Variants in ATP6V0D1 observed in about 807,000 individuals in gnomAD.
ATP6V0D1 encodes the protein V-type proton ATPase subunit d 1.
In ATP6V0D1, 13 loss-of-function variants were observed where a neutral mutation model predicts 39.0. That is an observed-to-expected ratio of 0.33 (90% CI 0.22 to 0.53). The LOEUF (loss-of-function observed/expected upper bound fraction) is 0.53, where lower values mean the gene tolerates loss of function less well. Ranked by LOEUF, ATP6V0D1 falls within the 20% of genes least tolerant of loss-of-function variation. The pLI is 0.94. For missense variants in ATP6V0D1, 272 were observed against 470.9 expected, an observed-to-expected ratio of 0.58 and a Z score of 3.91; for synonymous variants, 191 against 191.2, an observed-to-expected ratio of 1.00 and a Z score of 0.01.
intron 1 of ATP6V0D1, among the ~76,000 whole-genome samples, chr16:67,478,597 G>A (rs2041436035): frequency 6.7e-6 from 1 of 149,362 alleles, no homozygotes; most frequent in South Asian, 2.1e-4. Context: ...CTGGGTGACA[G>A]GGCTAGACTC....
At position 67,444,691 on chromosome 16, in the gene ATP6V0D1, G is replaced by A. The variant is rs747420026; in HGVS notation, c.318C>T (p.Ile106=). Residue 106 remains isoleucine, a synonymous_variant, in exon 3 of 8, where the codon ATC becomes ATT. Transcript: ENST00000290949. The surrounding 1 kb of genome is among the most constrained non-coding windows in gnomAD (Gnocchi z 4.8). ...FLDFITYSYM[I]DNVILLITGT... Reference sequence around the variant, plus strand: ...CTGTGATGAGCAGGATCACGTTGTCGATCATGTAACTGTAACTACAGGGGG... The same window carrying A: ...CTGTGATGAGCAGGATCACGTTGTCAATCATGTAACTGTAACTACAGGGGG... 5.0e-6 allele frequency: 8 copies of A among 1,599,650 alleles called. No homozygotes were observed. The highest frequency in any genetic ancestry group is 2.7e-5 in the African/African-American group (2 of 74,748).
chr16:67,446,140 T>C (rs2041112280), intron 2 of ATP6V0D1, among the ~76,000 whole-genome samples: 1 of 151,984 alleles, frequency 6.6e-6, no homozygotes, highest in Non-Finnish European at 1.5e-5. Context: ...TCCCCCATAC[T>C]GAAGAAAGAA....
chr16:67,453,504 T>C lies in ATP6V0D1; in HGVS notation c.302+40A>G. 1 of 1,607,436 alleles carries C rather than the reference T, an allele frequency of 6.2e-7. No homozygotes were observed. Among genetic ancestry groups the C allele is most frequent in the Non-Finnish European group, 8.5e-7 (1 of 1,175,450 alleles). On this transcript the variant is annotated intron_variant, in intron 2 of 7. Transcript: ENST00000290949. This position sits in a 1 kb window ranked among gnomAD's most constrained non-coding sequence, Gnocchi z 4.1. ...CCAGCTCCTGCAGGTGTAGCTATCC[T>C]GCCCAGGTAAGAGAAGAAGGCGCTA...
At chr16:67,454,331 C>T (rs763167119) in intron 1 of ATP6V0D1, among the ~76,000 whole-genome samples, 1 of 152,058 alleles carries the variant, frequency 6.6e-6, no homozygotes, top group East Asian at 1.9e-4. Context: ...GAGTGGCATG[C>T]GGGGGAGGTG....
chr16:67,439,377 G>A (rs2041019978), intron 4 of ATP6V0D1, 26 bp from the exon 5 acceptor site: 3 of 1,609,564 alleles, frequency 1.9e-6, no homozygotes, highest in Non-Finnish European at 2.5e-6. Flanking sequence ...AGCTTGCTCA[G>A]CACAGGCAAG....
intron 1 of ATP6V0D1, among the ~76,000 whole-genome samples, chr16:67,471,597 TCTC>T (rs773243701): frequency 6.6e-6 from 1 of 152,044 alleles, no homozygotes; most frequent in South Asian, 2.1e-4. Context: ...GAATAGAACT[TCTC>T]CTATCTAGCT....
Position 67,439,734 on chromosome 16 carries a change from A to AGGT in ATP6V0D1, c.562-386_562-384dup, listed in dbSNP as rs72650144. ...TCCCCTTCCTCAGCCTCTGAAAACC[A>AGGT]GGTGTGGCTGGACGCAGTGGCTCAC... On this transcript the variant is annotated intron_variant, in intron 4 of 7. Coordinates refer to ENST00000290949, the MANE Select transcript of ATP6V0D1 (RefSeq NM_004691.5). The AGGT allele has an allele frequency of 1.7e-3, 473 of 273,408 alleles. 4 individuals carry two copies. Among genetic ancestry groups the AGGT allele is most frequent in the African/African-American group, 9.6e-3 (447 of 46,326 alleles). 16.9% of individuals were successfully genotyped at this position (273,408 alleles called of 1,614,324 possible).
chr16:67,441,251 T>G, intron 4 of ATP6V0D1: 1 of 152,212 alleles, frequency 6.6e-6, no homozygotes, highest in Non-Finnish European at 1.5e-5. Flanking sequence ...CCCTGGAGTC[T>G]GCCAATCCAC....
intron 3 of ATP6V0D1, 131 bp from the exon 4 acceptor site, chr16:67,443,309 C>T (rs1159678762): frequency 6.2e-6 from 5 of 809,856 alleles, no homozygotes; most frequent in Middle Eastern, 3.7e-4. Flanking sequence ...GGTCCCCAGC[C>T]TAGGCTGTTG....
intron 4 of ATP6V0D1, chr16:67,441,049 C>T (rs150716264): frequency 6.6e-6 from 1 of 152,440 alleles, no homozygotes; most frequent in East Asian, 1.9e-4. Flanking sequence ...GGGGAACCAA[C>T]CAACCAGGTA....
chr16:67,438,428 C>T lies in ATP6V0D1; in HGVS notation c.*100G>A. 1 of 1,434,788 alleles carries T rather than the reference C, an allele frequency of 7.0e-7. No homozygotes were observed. Among genetic ancestry groups the T allele is most frequent in the Non-Finnish European group, 9.5e-7 (1 of 1,057,566 alleles). The allele number at this position is 1,434,788 out of a possible 1,614,324, so 88.9% of individuals were successfully genotyped here. A position where few individuals can be genotyped will look rare whatever the true frequency, so the allele number is the denominator to read the frequency against. On this transcript the variant is annotated 3_prime_UTR_variant, in exon 8 of 8. Transcript: ENST00000290949. ...CTACACCCCGGACAGGCAGGTGAGCCACAGGCTTGTCACAGACCACATACA... is the reference window on the plus strand; with the variant it reads ...CTACACCCCGGACAGGCAGGTGAGCTACAGGCTTGTCACAGACCACATACA...
At chr16:67,470,963 TCTC>T (rs2142331440) in intron 1 of ATP6V0D1, among the ~76,000 whole-genome samples, 1 of 152,208 alleles carries the variant, frequency 6.6e-6, no homozygotes, top group Admixed American at 6.5e-5. Context: ...TAGTCCATAT[TCTC>T]CTACCTAGAG....
intron 3 of ATP6V0D1, chr16:67,443,515 G>A (rs1355209983): frequency 2.7e-5 from 7 of 257,740 alleles, no homozygotes; most frequent in Non-Finnish European, 5.3e-5. Flanking sequence ...CCTTCTGGAG[G>A]GGCAGCTGTG....
At chr16:67,480,199 A>G (rs1257247683) in intron 1 of ATP6V0D1, among the ~76,000 whole-genome samples, 1 of 128,050 alleles carries the variant, frequency 7.8e-6, no homozygotes, top group East Asian at 2.2e-4. Flanking sequence ...ACTCCGTCTC[A>G]AAAAAAAAAA....
At chr16:67,466,239 G>A (rs1162778206) in intron 1 of ATP6V0D1, among the ~76,000 whole-genome samples, 3 of 151,880 alleles carry the variant, frequency 2.0e-5, no homozygotes, top group Non-Finnish European at 4.4e-5. Context: ...CCAGCACTTT[G>A]GGAGGCCAAG....
rs963443466 is a variant in ATP6V0D1 at position 67,438,451 on chromosome 16, ACACACACACG to A, written c.*67_*76del. On this transcript the variant is annotated 3_prime_UTR_variant, in exon 8 of 8. Transcript: ENST00000290949. Reference sequence around the variant, plus strand: ...GCCACAGGCTTGTCACAGACCACATACACACACACGCACACACACGCGCACACACACACAC... The same window carrying A: ...GCCACAGGCTTGTCACAGACCACATACACACACACGCGCACACACACACAC... 3.4e-4 allele frequency: 507 copies of A among 1,508,672 alleles called. No homozygotes were observed. Among genetic ancestry groups the A allele is most frequent in the Middle Eastern group, 2.2e-3 (12 of 5,498 alleles). 93.5% of individuals were successfully genotyped at this position (1,508,672 alleles called of 1,614,324 possible).
At chr16:67,457,645 T>C in intron 1 of ATP6V0D1, 2 of 1,289,336 alleles carry the variant, frequency 1.6e-6, no homozygotes, top group Non-Finnish European at 2.0e-6. Context: ...TGTGGCACCA[T>C]CCATTCCTAG....
intron 1 of ATP6V0D1, among the ~76,000 whole-genome samples, chr16:67,470,820 T>C (rs1052611248): frequency 6.6e-6 from 1 of 152,098 alleles, no homozygotes. Flanking sequence ...CAGTCATTTA[T>C]TAAGCCAGCA....
intron 3 of ATP6V0D1, 122 bp from the exon 4 acceptor site, chr16:67,443,300 G>T: frequency 2.1e-6 from 2 of 942,354 alleles, no homozygotes; most frequent in South Asian, 3.0e-5. Context: ...GTATTGAGGG[G>T]TCCCCAGCCT....
Sources: gnomAD v4.1 joint callset for allele counts (sites outside exome capture counted in the v4.1 genomes callset) on GRCh38, gnomAD v4.1.1 for gene constraint, Gnocchi (gnomAD v3.1) non-coding constraint, MANE v1.5 for transcripts, NCBI Gene and HGNC (gene_info 2026-07-23, HGNC 2026-07-21) for gene names.